The following TNRC6C variants were observed in gnomAD, a reference collection of about 807,000 sequenced individuals.
TNRC6C encodes trinucleotide repeat-containing gene 6C protein.
A neutral mutation model predicts 153.7 loss-of-function variants in TNRC6C; 20 were observed. That is an observed-to-expected ratio of 0.13 (90% CI 0.09 to 0.19). The LOEUF is 0.19. Ranked by LOEUF, TNRC6C falls within the 10% of genes least tolerant of loss-of-function variation. The pLI is 1.00. For synonymous variants in TNRC6C, 811 were observed against 841.4 expected (o/e 0.96, Z 0.63); for missense variants, 1,987 against 2,172.0 (o/e 0.91, Z 1.69).
intron 2 of TNRC6C, among the ~76,000 whole-genome samples, chr17:78,039,451 T>C (rs2072250093): frequency 6.6e-6 from 1 of 152,132 alleles, no homozygotes; most frequent in East Asian, 1.9e-4. Context: ...TCAACAAGTA[T>C]CCCATTTTAG....
intron 1 of TNRC6C, among the ~76,000 whole-genome samples, chr17:78,010,469 T>G (rs2071606850): frequency 6.6e-6 from 1 of 152,214 alleles, no homozygotes; most frequent in Non-Finnish European, 1.5e-5. Flanking sequence ...TTATAGCATA[T>G]CTTCCCAATT....
At chr17:78,080,529 T>C (rs2073161010) in intron 10 of TNRC6C, among the ~76,000 whole-genome samples, 1 of 152,260 alleles carries the variant, frequency 6.6e-6, no homozygotes, top group Non-Finnish European at 1.5e-5. Context: ...AGGCCTAATA[T>C]ATATCAATTG....
chr17:78,014,456 A>C (rs1388532311), intron 1 of TNRC6C, among the ~76,000 whole-genome samples: 1 of 152,050 alleles, frequency 6.6e-6, no homozygotes, highest in East Asian at 1.9e-4. Flanking sequence ...TCTTCTAAAT[A>C]AGCCTGTTGT....
chr17:78,058,734 G>C (rs1361228802), intron 3 of TNRC6C, among the ~76,000 whole-genome samples: 2 of 152,370 alleles, frequency 1.3e-5, no homozygotes, highest in East Asian at 3.9e-4. Flanking sequence ...CCTATTTGCA[G>C]CTCTTCAGAG....
At chr17:77,995,772 C>T (rs2071319447) in intron 1 of TNRC6C, among the ~76,000 whole-genome samples, 1 of 152,144 alleles carries the variant, frequency 6.6e-6, no homozygotes, top group Admixed American at 6.5e-5. Flanking sequence ...AAGTGGAGTG[C>T]TAGTAAAATT....
At chr17:78,077,842 A>G (rs558865440) in intron 9 of TNRC6C, 1 of 164,750 alleles carries the variant, frequency 6.1e-6, no homozygotes, top group Admixed American at 6.0e-5. Context: ...ACAGGTGGAA[A>G]TCATCTTTCT....
intron 4 of TNRC6C, chr17:78,066,243 A>G (rs1031654681): frequency 2.0e-5 from 3 of 149,400 alleles, no homozygotes; most frequent in African/African-American, 7.5e-5. Context: ...AAAAAAAAAA[A>G]TTCGTTGTTC....
intron 1 of TNRC6C, among the ~76,000 whole-genome samples, chr17:77,990,574 G>A (rs986591015): frequency 6.7e-5 from 10 of 148,948 alleles, no homozygotes; most frequent in Admixed American, 3.9e-4. Flanking sequence ...GCTCACTTTC[G>A]CAGGAAATCT....
chr17:78,105,833 C>T (rs1454801540), exon 20 of TNRC6C: 1 of 152,138 alleles, frequency 6.6e-6, no homozygotes, highest in African/African-American at 2.4e-5. Flanking sequence ...CTTCCTTTAG[C>T]TAATCCTATA....
At chr17:78,011,337 GTCCCCACCC>G (rs1257813941) in intron 1 of TNRC6C, among the ~76,000 whole-genome samples, 1 of 152,094 alleles carries the variant, frequency 6.6e-6, no homozygotes, top group East Asian at 1.9e-4. Context: ...CATCTCCTCT[GTCCCCACCC>G]TACCCCCATC....
upstream of TNRC6C, chr17:78,004,014 C>A: frequency 2.8e-6 from 2 of 725,952 alleles, no homozygotes; most frequent in Non-Finnish European, 1.7e-6. Flanking sequence ...ACCTGCAGTG[C>A]TGTTAGGGAA....
Position 78,049,232 on chromosome 17 carries a change from G to T in TNRC6C, c.170G>T (p.Gly57Val). The T allele has an allele frequency of 6.2e-7, 1 of 1,611,632 alleles. No homozygotes were observed. The highest frequency in any genetic ancestry group is 8.5e-7 in the Non-Finnish European group (1 of 1,178,592). ...GCCAGAGTGTGGGGTGTAGCCACAG[G>T]CTCCAGCTCTGGCCTGGCTCACTGC... Residue 57 changes from glycine to valine, a missense_variant, in exon 3 of 20, where the codon GGC becomes GTC. Coordinates refer to ENST00000301624, the Ensembl canonical transcript of TNRC6C. This position sits in a 1 kb window ranked among gnomAD's most constrained non-coding sequence, Gnocchi z 4.1.
intron 10 of TNRC6C, among the ~76,000 whole-genome samples, chr17:78,081,718 C>G (rs887275733): frequency 8.5e-5 from 13 of 152,156 alleles, no homozygotes; most frequent in African/African-American, 3.1e-4. Flanking sequence ...ATCCCACTGC[C>G]CAGACCTAGG....
chr17:78,079,663 A>G lies in TNRC6C; in HGVS notation c.3357+122A>G. 1 of 1,297,722 alleles carries G rather than the reference A, an allele frequency of 7.7e-7. No homozygotes were observed. The highest frequency in any genetic ancestry group is 2.4e-5 in the East Asian group (1 of 42,230). The allele number at this position is 1,297,722 out of a possible 1,614,324, so 80.4% of individuals were successfully genotyped here. A position where few individuals can be genotyped will look rare whatever the true frequency, so the allele number is the denominator to read the frequency against. ...AGCGGAGTTAATCCATGTTTAAGAGAAGGCCTTCTGGTTTTTAACCTATAA... is the reference window on the plus strand; with the variant it reads ...AGCGGAGTTAATCCATGTTTAAGAGGAGGCCTTCTGGTTTTTAACCTATAA... On this transcript the variant is annotated intron_variant, in intron 10 of 19. Coordinates refer to ENST00000301624, the Ensembl canonical transcript of TNRC6C. This position sits in a 1 kb window ranked among gnomAD's most constrained non-coding sequence, Gnocchi z 4.3.
At chr17:78,064,681 G>T in intron 3 of TNRC6C, 41 bp from the exon 6 acceptor site, 6 of 1,581,006 alleles carry the variant, frequency 3.8e-6, no homozygotes, top group South Asian at 2.2e-5. Flanking sequence ...TTTCTCTGAT[G>T]CACTTTCATT....
In TNRC6C at chr17:78,049,589, C is replaced by T. The variant is rs1354657075; in HGVS notation, c.527C>T (p.Pro176Leu). 8.1e-6 allele frequency: 13 copies of T among 1,613,862 alleles called. No homozygotes were observed. Among genetic ancestry groups the T allele is most frequent in the Non-Finnish European group, 9.3e-6 (11 of 1,179,910 alleles). The change falls in exon 3 of 20, where the codon CCT becomes CTT. Residue 176 changes from proline to leucine, a missense_variant. Pro to Leu is a moderately conservative substitution (Grantham distance 98, BLOSUM62 -3). Around this residue, in one of 4 missense-constraint regions of TNRC6C, gnomAD observed 1,052 missense variants for 1,017.0 expected, o/e 1.03. Transcript: ENST00000301624. The surrounding 1 kb of genome is among the most constrained non-coding windows in gnomAD (Gnocchi z 4.1). ...CAGAATGTGTCTTTCAGCGCACAAC[C>T]TCAGAACCTTAACACTGATGGACCA... is the stretch of plus-strand genomic sequence containing the variant.
rs771537016 is a variant in TNRC6C, at chr17:78,104,730, A to G, written c.4958A>G (p.Gln1653Arg). ...GAGCTGCTGTGGGGCGGGGTGCCCC[A>G]GTACTCCAGCAGCCTGTGGGGCCCG... Residue 1653 changes from glutamine (Q) to arginine (R), a missense_variant, in exon 20 of 20, where the codon CAG becomes CGG. Transcript: ENST00000301624. This position sits in a 1 kb window ranked among gnomAD's most constrained non-coding sequence, Gnocchi z 6.2. 2.3e-5 allele frequency: 35 copies of G among 1,530,066 alleles called. No homozygotes were observed. Among genetic ancestry groups the G allele is most frequent in the Non-Finnish European group, 3.0e-5 (34 of 1,141,366 alleles). The allele number at this position is 1,530,066 out of a possible 1,614,324, so 94.8% of individuals were successfully genotyped here. A position where few individuals can be genotyped will look rare whatever the true frequency, so the allele number is the denominator to read the frequency against.
intron 1 of TNRC6C, among the ~76,000 whole-genome samples, chr17:77,972,962 A>G (rs555672889): frequency 8.9e-4 from 135 of 152,288 alleles, no homozygotes; most frequent in Non-Finnish European, 1.0e-3. Flanking sequence ...CTGGAGTGCA[A>G]TGGCACGATC....
chr17:78,046,958 G>A (rs1168861093), intron 2 of TNRC6C, among the ~76,000 whole-genome samples: 1 of 151,870 alleles, frequency 6.6e-6, no homozygotes, highest in Non-Finnish European at 1.5e-5. Flanking sequence ...TGACTGTTGT[G>A]GAATGGAACC....
Sources: gnomAD v4.1 joint callset for allele counts (sites outside exome capture counted in the v4.1 genomes callset) on GRCh38, gnomAD v4.1.1 for gene constraint, gnomAD v4.1.1 regional missense constraint, Gnocchi (gnomAD v3.1) non-coding constraint, MANE v1.5 for transcripts, NCBI Gene and HGNC (gene_info 2026-07-23, HGNC 2026-07-21) for gene names.